Variants in IKBKB observed in about 807,000 individuals in gnomAD.
IKBKB encodes the protein inhibitor of nuclear factor kappa B kinase subunit beta.
Under a neutral mutation model 113.6 loss-of-function variants are expected in IKBKB, and 42 were observed. The observed-to-expected ratio is 0.37, with a 90% CI of 0.29 to 0.48. The LOEUF (loss-of-function observed/expected upper bound fraction) is 0.48, where lower values mean the gene tolerates loss of function less well. Ranked by LOEUF, IKBKB falls within the 20% of genes least tolerant of loss-of-function variation. The pLI is 0.99. For synonymous variants in IKBKB, 296 were observed against 361.3 expected (o/e 0.82, Z 2.05); for missense variants, 673 against 939.7 (o/e 0.72, Z 3.71).
At chr8:42,284,926 G>A (rs956565742) in intron 2 of IKBKB, among the ~76,000 whole-genome samples, 8 of 145,304 alleles carry the variant, frequency 5.5e-5, no homozygotes, top group East Asian at 4.2e-4. Flanking sequence ...GCACGATCTC[G>A]GTTCACTGCA....
chr8:42,330,276 G>A (rs760818837), intron 21 of IKBKB: 92 of 984,672 alleles, frequency 9.3e-5, no homozygotes, highest in Non-Finnish European at 1.1e-4. Context: ...GTTTGAATAT[G>A]TAACTTAGCT....
At chr8:42,285,657 C>T (rs968288351) in intron 2 of IKBKB, among the ~76,000 whole-genome samples, 1 of 152,194 alleles carries the variant, frequency 6.6e-6, no homozygotes, top group African/African-American at 2.4e-5. Context: ...TTCTACTAGA[C>T]AAAGAGAATG....
chr8:42,300,981 C>T (rs915776915), intron 5 of IKBKB, among the ~76,000 whole-genome samples: 7 of 152,130 alleles, frequency 4.6e-5, no homozygotes, highest in African/African-American at 1.4e-4. Flanking sequence ...CAGTCTCCCA[C>T]GTAGCTGGGA....
rs138911052 is a variant in IKBKB at position 42,317,848 on chromosome 8, C to G, written c.1240+77C>G. ...GACAAGGCAGGGAAGGGAGACTGGA[C>G]TAAGGAAGGGGGAGCCACGTAAAGG... On this transcript the variant is annotated intron_variant, in intron 12 of 21. Coordinates refer to ENST00000520810, the MANE Select transcript of IKBKB (RefSeq NM_001556.3). The G allele has an allele frequency of 2.8e-4, 300 of 1,068,030 alleles. No individual in the cohort carries two copies. In the African/African-American group the frequency reaches 4.1e-3, roughly 15 times the overall value. 66.2% of individuals were successfully genotyped at this position (1,068,030 alleles called of 1,614,324 possible). A position where few individuals can be genotyped will look rare whatever the true frequency, so the allele number is the denominator to read the frequency against.
At chr8:42,299,201 C>G (rs1814597257) in intron 5 of IKBKB, among the ~76,000 whole-genome samples, 1 of 152,174 alleles carries the variant, frequency 6.6e-6, no homozygotes, top group African/African-American at 2.4e-5. Context: ...GACCAAGTGT[C>G]CGTGTCGAAC....
chr8:42,316,910 C>T lies in IKBKB; in HGVS notation c.1125+6C>T, dbSNP rs747275533. On this transcript the variant is annotated splice_donor_region_variant and intron_variant, in intron 11 of 21. Coordinates refer to ENST00000520810, the MANE Select transcript of IKBKB (RefSeq NM_001556.3). This position sits in a 1 kb window ranked among gnomAD's most constrained non-coding sequence, Gnocchi z 4.5. ...AGTGTATTTCAGACGGCAAGGTGAG[C>T]CCTGGCTTCGTACACACCATCCTGT... is the stretch of plus-strand genomic sequence containing the variant. 5.0e-6 allele frequency: 8 copies of T among 1,613,376 alleles called. No individual in the cohort carries two copies. The East Asian group carries it at 1.8e-4, about 36-fold the overall frequency.
At chr8:42,318,515 G>T in intron 12 of IKBKB, 37 bp from the exon 13 acceptor site, 6 of 1,604,286 alleles carry the variant, frequency 3.7e-6, no homozygotes, top group Non-Finnish European at 5.1e-6. Flanking sequence ...AGTTATTGTG[G>T]TTATTCTTTG....
At chr8:42,287,818 T>C (rs1365637030) in intron 2 of IKBKB, among the ~76,000 whole-genome samples, 1 of 152,182 alleles carries the variant, frequency 6.6e-6, no homozygotes, top group East Asian at 1.9e-4. Flanking sequence ...TGCCATATTA[T>C]GCTTGCGTTC....
At chr8:42,279,564 C>A (rs1215970396) in intron 2 of IKBKB, among the ~76,000 whole-genome samples, 1 of 152,192 alleles carries the variant, frequency 6.6e-6, no homozygotes, top group Non-Finnish European at 1.5e-5. Flanking sequence ...CTCTCCAGCC[C>A]TCACAACTCT....
intron 5 of IKBKB, among the ~76,000 whole-genome samples, chr8:42,296,209 A>G (rs1271359392): frequency 6.6e-6 from 1 of 152,200 alleles, no homozygotes; most frequent in East Asian, 1.9e-4. Context: ...ATATTTGTCA[A>G]ATGAGAGCTG....
intron 18 of IKBKB, 92 bp downstream of exon 18, chr8:42,322,245 C>T: frequency 5.8e-6 from 9 of 1,564,376 alleles, no homozygotes; most frequent in South Asian, 1.1e-5. Flanking sequence ...CGCTGGACCT[C>T]ATGAAGAGAG....
intron 5 of IKBKB, among the ~76,000 whole-genome samples, chr8:42,302,074 G>A (rs1815338294): frequency 6.6e-6 from 1 of 152,220 alleles, no homozygotes; most frequent in African/African-American, 2.4e-5. Context: ...TCAGTTAACA[G>A]ACACTTTGAG....
At chr8:42,289,896 G>A (rs894867350) in intron 3 of IKBKB, among the ~76,000 whole-genome samples, 1 of 152,198 alleles carries the variant, frequency 6.6e-6, no homozygotes, top group African/African-American at 2.4e-5. Context: ...AGCACGATGA[G>A]GACTTGGGAT....
At chr8:42,325,434 G>A in intron 19 of IKBKB, 1 of 976,230 alleles carries the variant, frequency 1.0e-6, no homozygotes, top group Non-Finnish European at 1.2e-6. Flanking sequence ...ATGAATCCCA[G>A]AACTTTGGGA....
At chr8:42,297,894 CAA>C (rs909717728) in intron 5 of IKBKB, among the ~76,000 whole-genome samples, 6 of 145,552 alleles carry the variant, frequency 4.1e-5, no homozygotes, top group South Asian at 4.4e-4. Context: ...GACTCTGTCT[CAA>C]AAAAAAAAGA....
intron 2 of IKBKB, among the ~76,000 whole-genome samples, chr8:42,283,806 C>T (rs990395430): frequency 3.3e-5 from 5 of 152,188 alleles, no homozygotes; most frequent in East Asian, 1.9e-4. Context: ...ATTGAAGTTA[C>T]GTTGCTGCAG....
chr8:42,303,867 C>G (rs1815945770), intron 5 of IKBKB, among the ~76,000 whole-genome samples: 1 of 152,198 alleles, frequency 6.6e-6, no homozygotes, highest in South Asian at 2.1e-4. Flanking sequence ...TATTAGGTAT[C>G]TTTACTCTTT....
At chr8:42,320,917 A>G (rs1164373821) in intron 16 of IKBKB, 73 bp downstream of exon 16, 7 of 935,230 alleles carry the variant, frequency 7.5e-6, no homozygotes, top group Non-Finnish European at 1.1e-5. Context: ...GTGTGTGTCA[A>G]GGGCACCCTC....
chr8:42,283,690 G>C (rs1365993278), intron 2 of IKBKB, among the ~76,000 whole-genome samples: 2 of 152,198 alleles, frequency 1.3e-5, no homozygotes, highest in African/African-American at 2.4e-5. Context: ...CCCACATCAG[G>C]CTTCAGCAGA....
Sources: gnomAD v4.1 joint callset for allele counts (sites outside exome capture counted in the v4.1 genomes callset) on GRCh38, gnomAD v4.1.1 for gene constraint, Gnocchi (gnomAD v3.1) non-coding constraint, MANE v1.5 for transcripts, NCBI Gene and HGNC (gene_info 2026-07-23, HGNC 2026-07-21) for gene names.